The following RBPJ variants were observed in gnomAD, a reference collection of about 807,000 sequenced individuals.
RBPJ encodes recombining binding protein suppressor of hairless.
Under a neutral mutation model 67.8 loss-of-function variants are expected in RBPJ, and 9 were observed. That is an observed-to-expected ratio of 0.13 (90% CI 0.08 to 0.23). The LOEUF is 0.23. Among genes scored for constraint, RBPJ ranks in the 10% least tolerant of loss-of-function variants. The probability of loss-of-function intolerance (pLI) is 1.00; values close to 1 mark genes in which losing one functional copy is unlikely to be tolerated. For missense variants in RBPJ, 305 were observed against 595.6 expected, an observed-to-expected ratio of 0.51 and a Z score of 5.08; for synonymous variants, 198 against 203.3, an observed-to-expected ratio of 0.97 and a Z score of 0.22.
intron 1 of RBPJ, among the ~76,000 whole-genome samples, chr4:26,368,791 C>T (rs1728870537): frequency 6.6e-6 from 1 of 152,208 alleles, no homozygotes; most frequent in Non-Finnish European, 1.5e-5. Flanking sequence ...GTTGAATTTT[C>T]TGTGGAAAAA....
intron 1 of RBPJ, among the ~76,000 whole-genome samples, chr4:26,358,961 T>C (rs1727716256): frequency 6.6e-6 from 1 of 152,164 alleles, no homozygotes; most frequent in African/African-American, 2.4e-5. Flanking sequence ...AAGGAGAAAG[T>C]AAGTCACCTA....
the RBPJ span, among the ~76,000 whole-genome samples, chr4:26,142,542 G>A: frequency 1.3e-4 from 20 of 152,336 alleles, no homozygotes; most frequent in South Asian, 4.1e-4. Context: ...TGGCTCTATC[G>A]TGAAGGAATC....
chr4:26,399,222 C>T lies in RBPJ; in HGVS notation c.60-6953C>T, dbSNP rs1732498920. 3.3e-5 allele frequency among the ~76,000 whole-genome samples: 5 copies of T among 152,282 alleles called. 1 individual carries two copies. The South Asian group carries it at 1.0e-3, about 32-fold the overall frequency. ...TTCAGTGGTGTTGCCTCACCACCAG[C>T]TCACTGAGAAGATTCTAATTAAGCC... On this transcript the variant is annotated intron_variant, in intron 2 of 10. Transcript: ENST00000355476.
At chr4:26,217,925 C>T (rs957367582) in intron 1 of RBPJ, among the ~76,000 whole-genome samples, 1 of 152,180 alleles carries the variant, frequency 6.6e-6, no homozygotes, top group Non-Finnish European at 1.5e-5. Flanking sequence ...GTTCAGTAAA[C>T]ACTCGTGGAT....
intron 1 of RBPJ, among the ~76,000 whole-genome samples, chr4:26,357,547 G>A (rs1050873398): frequency 2.0e-5 from 3 of 152,106 alleles, no homozygotes; most frequent in Non-Finnish European, 4.4e-5. Context: ...CTCATCAGGT[G>A]TGTTCAGTTT....
the RBPJ span, among the ~76,000 whole-genome samples, chr4:26,140,059 C>T: frequency 6.6e-6 from 1 of 152,174 alleles, no homozygotes; most frequent in Non-Finnish European, 1.5e-5. Flanking sequence ...GTTCTCCAAC[C>T]TCTCTGGGCC....
At chr4:26,371,065 G>C (rs544519793) in intron 1 of RBPJ, among the ~76,000 whole-genome samples, 1 of 149,890 alleles carries the variant, frequency 6.7e-6, no homozygotes, top group Admixed American at 6.6e-5. Context: ...GGGCGACAGA[G>C]CGAGACTCCA....
intron 2 of RBPJ, among the ~76,000 whole-genome samples, chr4:26,390,153 A>AAC: frequency 6.6e-6 from 1 of 152,240 alleles, no homozygotes; most frequent in Non-Finnish European, 1.5e-5. Context: ...ATATTAATAG[A>AAC]ACAAAAAAGG....
intron 1 of RBPJ, among the ~76,000 whole-genome samples, chr4:26,170,684 C>T (rs1716545147): frequency 6.6e-6 from 1 of 152,100 alleles, no homozygotes; most frequent in Non-Finnish European, 1.5e-5. Flanking sequence ...TTTTTGTTAA[C>T]TGTATTTTCA....
intron 1 of RBPJ, among the ~76,000 whole-genome samples, chr4:26,196,920 A>G (rs2109148468): frequency 6.6e-6 from 1 of 152,288 alleles, no homozygotes; most frequent in South Asian, 2.1e-4. Context: ...GTTCAAGCGG[A>G]TTTCCTTGGA....
chr4:26,261,735 C>T (rs776519998), intron 1 of RBPJ, among the ~76,000 whole-genome samples: 2 of 152,250 alleles, frequency 1.3e-5, no homozygotes, highest in African/African-American at 2.4e-5. Context: ...ACAGTGAGTG[C>T]TCTATCAGGA....
intron 1 of RBPJ, among the ~76,000 whole-genome samples, chr4:26,279,536 A>G (rs1397708737): frequency 6.6e-6 from 1 of 152,050 alleles, no homozygotes; most frequent in Non-Finnish European, 1.5e-5. Flanking sequence ...TCGGCCTCCC[A>G]AAGCGTTGGG....
chr4:26,366,177 A>G (rs11722108), intron 1 of RBPJ, among the ~76,000 whole-genome samples: 75,582 of 152,066 alleles, frequency 0.5, 20,038 homozygotes, highest in Admixed American at 0.62. Flanking sequence ...TATCAACTGG[A>G]AAACTATGAA....
chr4:26,362,778 G>T, intron 1 of RBPJ: 1 of 644,372 alleles, frequency 1.6e-6, no homozygotes, highest in South Asian at 2.5e-5. Context: ...TGTGGTTATG[G>T]ATTTATGGTA....
chr4:26,198,993 C>T (rs1717883301), intron 1 of RBPJ, among the ~76,000 whole-genome samples: 1 of 151,968 alleles, frequency 6.6e-6, no homozygotes, highest in Non-Finnish European at 1.5e-5. Context: ...CATTCATTTA[C>T]ATTGCGATGC....
the RBPJ span, among the ~76,000 whole-genome samples, chr4:26,141,458 A>G: frequency 3.9e-5 from 6 of 152,236 alleles, no homozygotes; most frequent in Admixed American, 6.5e-5. Flanking sequence ...CCAGGCCCGG[A>G]ACGCCCAGGA....
rs187681358 is a variant in RBPJ at position 26,385,533 on chromosome 4, G to T, written c.21-820G>T. ...ATCTTAACTGCCATGTTGTACTCCA[G>T]TTCCAGCCTGAATTGTGCTTTCTTG... On this transcript the variant is annotated intron_variant, in intron 1 of 10. Transcript: ENST00000355476. Among the ~76,000 whole-genome samples, 183 of 152,250 alleles carry T rather than the reference G, an allele frequency of 1.2e-3. 1 individual carries two copies. The highest frequency in any genetic ancestry group is 9.3e-4 in the Non-Finnish European group (63 of 68,018).
At chr4:26,384,654 C>G (rs1407235996) in intron 1 of RBPJ, 1 of 152,140 alleles carries the variant, frequency 6.6e-6, no homozygotes, top group African/African-American at 2.4e-5. Context: ...ACTTATTTAT[C>G]TCTATTAAAA....
At chr4:26,251,661 A>T (rs1720114489) in intron 1 of RBPJ, among the ~76,000 whole-genome samples, 1 of 151,216 alleles carries the variant, frequency 6.6e-6, no homozygotes, top group African/African-American at 2.4e-5. Context: ...AATCCTGGCT[A>T]ACATGGTGAA....
Sources: gnomAD v4.1 joint callset for allele counts (sites outside exome capture counted in the v4.1 genomes callset) on GRCh38, gnomAD v4.1.1 for gene constraint, MANE v1.5 for transcripts, NCBI Gene and HGNC (gene_info 2026-07-23, HGNC 2026-07-21) for gene names.